CHRNB2: variants seen among roughly 807,000 people sequenced by gnomAD.
CHRNB2 encodes neuronal acetylcholine receptor subunit beta-2.
Under a neutral mutation model 42.7 loss-of-function variants are expected in CHRNB2, and 33 were observed. The observed-to-expected ratio is 0.77, with a 90% CI of 0.59 to 1.03. CHRNB2 has a LOEUF of 1.03. CHRNB2 is among the 50% of genes least tolerant of loss of function. CHRNB2 has a pLI of 0.00. For synonymous variants in CHRNB2, 325 were observed against 292.9 expected, an observed-to-expected ratio of 1.11 and a Z score of -1.12; for missense variants, 603 against 700.9, an observed-to-expected ratio of 0.86 and a Z score of 1.58.
At position 154,568,003 on chromosome 1, in the gene CHRNB2, G is replaced by T. The variant is rs776350897; in HGVS notation, c.-42G>T. ...CCCGCGGCCCTCCCCCCGGCGGCGCGCTCCAGCCGGTGTAGGCGAGGCAGC... is the reference window on the plus strand; with the variant it reads ...CCCGCGGCCCTCCCCCCGGCGGCGCTCTCCAGCCGGTGTAGGCGAGGCAGC... On this transcript the variant is annotated 5_prime_UTR_variant, in exon 1 of 6. Transcript: ENST00000368476. 2.0e-6 allele frequency: 3 copies of T among 1,497,426 alleles called. No individual in the cohort carries two copies. Among genetic ancestry groups the T allele is most frequent in the Non-Finnish European group, 1.8e-6 (2 of 1,128,368 alleles). The allele number at this position is 1,497,426 out of a possible 1,614,324, so 92.8% of individuals were successfully genotyped here.
In CHRNB2 at chr1:154,578,618, C is replaced by T. The variant is rs1696329268; in HGVS notation, c.*2686C>T. The stretch of plus-strand genomic sequence containing the variant: ...GAGGGCAGAGGTGAAGGATCCACTG[C>T]CCAGGCAAGGTGCTACCATGTGGTG... On this transcript the variant is annotated 3_prime_UTR_variant, in exon 6 of 6. Coordinates refer to ENST00000368476, the MANE Select transcript of CHRNB2 (RefSeq NM_000748.3). 1 of 152,302 alleles carries T rather than the reference C, an allele frequency of 6.6e-6. No individual in the cohort carries two copies. Among genetic ancestry groups the T allele is most frequent in the Non-Finnish European group, 1.5e-5 (1 of 68,094 alleles). 9.4% of individuals were successfully genotyped at this position (152,302 alleles called of 1,614,324 possible).
intron 5 of CHRNB2, 152 bp downstream of exon 5, chr1:154,572,313 C>T (rs981692284): frequency 4.1e-5 from 59 of 1,450,714 alleles, no homozygotes; most frequent in East Asian, 7.5e-5. Flanking sequence ...GGCCTGGGTG[C>T]TGGCTAGGGC....
chr1:154,576,020 G>A lies in CHRNB2; in HGVS notation c.*88G>A, dbSNP rs1696267069. 3 of 1,534,288 alleles carry A rather than the reference G, an allele frequency of 2.0e-6. No individual in the cohort carries two copies. Among genetic ancestry groups the A allele is most frequent in the Non-Finnish European group, 2.7e-6 (3 of 1,114,782 alleles). On this transcript the variant is annotated 3_prime_UTR_variant, in exon 6 of 6. Transcript: ENST00000368476. ...GGAGGATGGACGAGTGAGCTACCAG[G>A]AAGAGGGGCGCTGCCCCCACAGATC...
rs1187024375 is a variant in CHRNB2 at position 154,572,142 on chromosome 1, G to A, written c.1319G>A (p.Ser440Asn). The A allele has an allele frequency of 1.3e-6, 2 of 1,537,812 alleles. No individual in the cohort carries two copies. The highest frequency in any genetic ancestry group is 2.0e-5 in the Admixed American group (1 of 50,972). The change falls in exon 5 of 6, where the codon AGC becomes AAC. Residue 440 changes from serine (S) to asparagine (N), a missense_variant. Transcript: ENST00000368476. ...GVRFIADHMRSEDDDQSVSED... is the reference protein window; with the variant it reads ...GVRFIADHMRNEDDDQSVSED... Reference sequence around the variant, plus strand: ...CGCTTCATCGCAGACCACATGCGGAGCGAGGACGATGACCAGAGCGTGAGT... The same window carrying A: ...CGCTTCATCGCAGACCACATGCGGAACGAGGACGATGACCAGAGCGTGAGT...
rs904058551 is a variant in CHRNB2, at chr1:154,576,170, C to A, written c.*238C>A. ...TCTCCATCTCTTGTACCAGCCCAGGCAATAGTGTTGAGGAGGGGAGCAAGG... is the reference window on the plus strand; with the variant it reads ...TCTCCATCTCTTGTACCAGCCCAGGAAATAGTGTTGAGGAGGGGAGCAAGG... On this transcript the variant is annotated 3_prime_UTR_variant, in exon 6 of 6. Transcript: ENST00000368476. 9 of 576,896 alleles carry A rather than the reference C, an allele frequency of 1.6e-5. No individual in the cohort carries two copies. Among genetic ancestry groups the A allele is most frequent in the Non-Finnish European group, 2.5e-5 (8 of 318,322 alleles). 35.7% of individuals were successfully genotyped at this position (576,896 alleles called of 1,614,324 possible).
At position 154,569,633 on chromosome 1, in the gene CHRNB2, C is replaced by T. The variant is rs1037991934; in HGVS notation, c.210+26C>T. On this transcript the variant is annotated intron_variant, in intron 2 of 5. Transcript: ENST00000368476. ...GTGAGTAGAGGTCCCAGGCTCTCTG[C>T]CCAGCTACTGAAATCAGCCCCGCCA... 3.1e-6 allele frequency: 5 copies of T among 1,613,964 alleles called. No homozygotes were observed. In the South Asian group the frequency reaches 5.5e-5, roughly 18 times the overall value.
At position 154,575,824 on chromosome 1, in the gene CHRNB2, C is replaced by G. The variant is rs749708943; in HGVS notation, c.1401C>G (p.Val467=). The G allele has an allele frequency of 6.2e-7, 1 of 1,614,180 alleles. No individual in the cohort carries two copies. The highest frequency in any genetic ancestry group is 1.1e-5 in the South Asian group (1 of 91,088). ...ACCGCCTCTTCCTCTGGATCTTTGT[C>G]TTTGTCTGTGTCTTTGGCACCATCG... The part of the protein sequence containing the change: ...VIDRLFLWIF[V]FVCVFGTIGM... The change falls in exon 6 of 6, where the codon GTC becomes GTG. Residue 467 remains valine, a synonymous_variant. Transcript: ENST00000368476.
chr1:154,576,014 T>A lies in CHRNB2; in HGVS notation c.*82T>A. 7 of 1,567,508 alleles carry A rather than the reference T, an allele frequency of 4.5e-6. No individual in the cohort carries two copies. The highest frequency in any genetic ancestry group is 6.1e-6 in the Non-Finnish European group (7 of 1,143,056). ...TTGGGTGGAGGATGGACGAGTGAGC[T>A]ACCAGGAAGAGGGGCGCTGCCCCCA... On this transcript the variant is annotated 3_prime_UTR_variant, in exon 6 of 6. Coordinates refer to ENST00000368476, the MANE Select transcript of CHRNB2 (RefSeq NM_000748.3).
rs1696359258 is a variant in CHRNB2, at chr1:154,579,897, T to A, written c.*3965T>A. On this transcript the variant is annotated 3_prime_UTR_variant, in exon 6 of 6. Coordinates refer to ENST00000368476, the MANE Select transcript of CHRNB2 (RefSeq NM_000748.3). Reference sequence around the variant, plus strand: ...TTCCAAAGTTGTCTTGTCACTCTATTTGGGGGTTGGGAGAGAGCCCGTGGG... The same window carrying A: ...TTCCAAAGTTGTCTTGTCACTCTATATGGGGGTTGGGAGAGAGCCCGTGGG... The A allele has an allele frequency of 6.6e-6, 1 of 152,412 alleles. No homozygotes were observed. Among genetic ancestry groups the A allele is most frequent in the South Asian group, 2.1e-4 (1 of 4,832 alleles). The allele number at this position is 152,412 out of a possible 1,614,324, so 9.4% of individuals were successfully genotyped here.
intron 3 of CHRNB2, 36 bp downstream of exon 3, chr1:154,569,872 G>C: frequency 6.2e-7 from 1 of 1,612,122 alleles, no homozygotes; most frequent in Non-Finnish European, 8.5e-7. Flanking sequence ...CACACCCCTG[G>C]CCTTCTCTCT....
chr1:154,572,543 C>A (rs1243131563), intron 5 of CHRNB2, among the ~76,000 whole-genome samples: 1 of 152,006 alleles, frequency 6.6e-6, no homozygotes, highest in Non-Finnish European at 1.5e-5. Flanking sequence ...TGCTTGCATG[C>A]CCACATCCAA....
intron 5 of CHRNB2, among the ~76,000 whole-genome samples, chr1:154,573,067 G>A: frequency 6.6e-6 from 1 of 152,196 alleles, no homozygotes; most frequent in East Asian, 1.9e-4. Context: ...CTGGCTGGGG[G>A]ATGAAGAAGG....
intron 5 of CHRNB2, among the ~76,000 whole-genome samples, chr1:154,574,773 A>AGT (rs2101525963): frequency 6.6e-6 from 1 of 152,276 alleles, no homozygotes; most frequent in East Asian, 1.9e-4. Flanking sequence ...TTGCATCCCC[A>AGT]GTGTGTAGCA....
rs1339054522 is a variant in CHRNB2, at chr1:154,578,158, C to G, written c.*2226C>G. The G allele has an allele frequency of 1.3e-5, 2 of 152,370 alleles. No homozygotes were observed. Among genetic ancestry groups the G allele is most frequent in the Non-Finnish European group, 2.9e-5 (2 of 68,148 alleles). 9.4% of individuals were successfully genotyped at this position (152,370 alleles called of 1,614,324 possible). A position where few individuals can be genotyped will look rare whatever the true frequency, so the allele number is the denominator to read the frequency against. On this transcript the variant is annotated 3_prime_UTR_variant, in exon 6 of 6. Coordinates refer to ENST00000368476, the MANE Select transcript of CHRNB2 (RefSeq NM_000748.3). ...GAAGGCGTCTTGGAACCAGAAACAG[C>G]AACAGGAAAGGAGCCTCCCTCTGAA... is the stretch of plus-strand genomic sequence containing the variant.
intron 5 of CHRNB2, among the ~76,000 whole-genome samples, chr1:154,575,059 C>T (rs1406168551): frequency 3.9e-5 from 6 of 152,018 alleles, no homozygotes; most frequent in African/African-American, 7.2e-5. Context: ...CCTCTGGGGA[C>T]GTAGTGTGGT....
intron 5 of CHRNB2, among the ~76,000 whole-genome samples, chr1:154,574,853 G>T (rs1268412406): frequency 1.3e-5 from 2 of 152,158 alleles, no homozygotes; most frequent in Non-Finnish European, 2.9e-5. Flanking sequence ...AAATAAAGAT[G>T]CTCAGTGGCT....
chr1:154,573,850 G>A (rs1696220251), intron 5 of CHRNB2, among the ~76,000 whole-genome samples: 1 of 152,218 alleles, frequency 6.6e-6, no homozygotes, highest in South Asian at 2.1e-4. Context: ...CGGGGTTCAA[G>A]CGATTCTCCT....
rs1365097884 is a variant in CHRNB2 at position 154,578,581 on chromosome 1, TAAGG to T, written c.*2653_*2656del. The T allele has an allele frequency of 1.3e-5, 2 of 152,292 alleles. No homozygotes were observed. The highest frequency in any genetic ancestry group is 2.9e-5 in the Non-Finnish European group (2 of 68,076). 9.4% of individuals were successfully genotyped at this position (152,292 alleles called of 1,614,324 possible). A position where few individuals can be genotyped will look rare whatever the true frequency, so the allele number is the denominator to read the frequency against. ...CGCAGCCCTTTGGGAACCATCACAA[TAAGG>T]AAGAGGTGAGGGCAGAGGTGAAGGA... On this transcript the variant is annotated 3_prime_UTR_variant, in exon 6 of 6. Transcript: ENST00000368476.
chr1:154,569,603 G>T lies in CHRNB2; in HGVS notation c.206G>T (p.Ser69Ile). 6.2e-7 allele frequency: 1 copy of T among 1,614,130 alleles called. No individual in the cohort carries two copies. The highest frequency in any genetic ancestry group is 1.6e-4 in the Middle Eastern group (1 of 6,062). The change falls in exon 2 of 6, where the codon AGT becomes ATT. Residue 69 changes from serine to isoleucine, a missense_variant. Around this residue, in one of 2 missense-constraint regions of CHRNB2, gnomAD observed 333 missense variants for 452.6 expected, o/e 0.74. Coordinates refer to ENST00000368476, the MANE Select transcript of CHRNB2 (RefSeq NM_000748.3). Reference sequence around the variant, plus strand: ...ATGGTGTCACTGGCCCAGCTCATCAGTGTGGTGAGTAGAGGTCCCAGGCTC... The same window carrying T: ...ATGGTGTCACTGGCCCAGCTCATCATTGTGGTGAGTAGAGGTCCCAGGCTC... The part of the protein sequence containing the change: ...QLMVSLAQLI[S>I]VHEREQIMTT...
Sources: allele counts gnomAD v4.1 joint callset (sites outside exome capture counted in the v4.1 genomes callset), GRCh38; gene constraint gnomAD v4.1.1; regional missense constraint gnomAD v4.1.1; transcripts MANE v1.5; gene names NCBI Gene and HGNC (gene_info 2026-07-23, HGNC 2026-07-21).